Variants in DDC observed in about 807,000 individuals in gnomAD.
DDC encodes the protein aromatic-L-amino-acid decarboxylase.
DDC carries 43 observed loss-of-function variants against 60.0 expected under a neutral mutation model. That is an observed-to-expected ratio of 0.72 (90% CI 0.56 to 0.92). DDC has a LOEUF of 0.92. Among genes scored for constraint, DDC ranks in the 40% least tolerant of loss-of-function variants. The pLI is 0.00. For synonymous variants in DDC, 232 were observed against 234.6 expected, an observed-to-expected ratio of 0.99 and a Z score of 0.10; for missense variants, 573 against 620.2, an observed-to-expected ratio of 0.92 and a Z score of 0.81.
intron 14 of DDC, 52 bp from the exon 15 acceptor site, chr7:50,458,895 G>C (rs2042181468): frequency 6.7e-6 from 1 of 149,734 alleles, no homozygotes. Flanking sequence ...AAAAAATAAA[G>C]AAGTCCCTCT....
At chr7:50,561,750 T>C (rs112471249) in intron 1 of DDC, among the ~76,000 whole-genome samples, 7 of 150,100 alleles carry the variant, frequency 4.7e-5, no homozygotes, top group African/African-American at 1.7e-4. Flanking sequence ...CGCAGAGTCA[T>C]GTGAAGCTAG....
chr7:50,519,969 C>G (rs961266854), intron 6 of DDC, among the ~76,000 whole-genome samples: 4 of 151,794 alleles, frequency 2.6e-5, no homozygotes, highest in African/African-American at 9.7e-5. Flanking sequence ...AACAAACAAA[C>G]AAACAAAAAC....
chr7:50,479,883 G>A lies in DDC; in HGVS notation c.945-20C>T. On this transcript the variant is annotated intron_variant, in intron 9 of 14. Coordinates refer to ENST00000444124, the MANE Select transcript of DDC (RefSeq NM_001082971.2). ...TTCACCCTGGTTTTAGAGAACAAAT[G>A]AAAGGGCTGATAACCAAGTACCCTA... 6.2e-7 allele frequency: 1 copy of A among 1,606,780 alleles called. No homozygotes were observed. Among genetic ancestry groups the A allele is most frequent in the Non-Finnish European group, 8.5e-7 (1 of 1,173,888 alleles).
chr7:50,473,768 C>CA (rs2042583445), intron 11 of DDC, among the ~76,000 whole-genome samples: 1 of 152,212 alleles, frequency 6.6e-6, no homozygotes, highest in African/African-American at 2.4e-5. Flanking sequence ...CTGCCACAAG[C>CA]GGCAAGAGGA....
chr7:50,535,339 G>T (rs1216487023), intron 4 of DDC, among the ~76,000 whole-genome samples: 2 of 152,094 alleles, frequency 1.3e-5, no homozygotes, highest in Admixed American at 1.3e-4. Flanking sequence ...TAGAGACAGG[G>T]TTTCACCATG....
At chr7:50,508,504 T>G (rs2043461831) in intron 6 of DDC, among the ~76,000 whole-genome samples, 1 of 152,212 alleles carries the variant, frequency 6.6e-6, no homozygotes, top group Non-Finnish European at 1.5e-5. Flanking sequence ...TGGCCCGACC[T>G]TATCAAGCTG....
At chr7:50,500,281 CA>C (rs369195762) in intron 7 of DDC, among the ~76,000 whole-genome samples, 1 of 152,106 alleles carries the variant, frequency 6.6e-6, no homozygotes, top group African/African-American at 2.4e-5. Flanking sequence ...GTGAGACTCT[CA>C]GGGGCACTAA....
intron 9 of DDC, among the ~76,000 whole-genome samples, chr7:50,485,394 A>G (rs1427576700): frequency 2.6e-5 from 4 of 152,262 alleles, no homozygotes; most frequent in Non-Finnish European, 5.9e-5. Context: ...TGTCTATTTC[A>G]GTATTTAAAG....
At chr7:50,487,192 A>G (rs2042903500) in intron 9 of DDC, among the ~76,000 whole-genome samples, 1 of 152,190 alleles carries the variant, frequency 6.6e-6, no homozygotes, top group South Asian at 2.1e-4. Flanking sequence ...AAGAAAAGTA[A>G]GTTTTTATCA....
intron 11 of DDC, among the ~76,000 whole-genome samples, chr7:50,472,018 C>A (rs2042544176): frequency 6.6e-6 from 1 of 152,168 alleles, no homozygotes; most frequent in Non-Finnish European, 1.5e-5. Context: ...AGTGAAAATG[C>A]ACACAATCTA....
At chr7:50,496,722 G>A (rs2043135156) in intron 8 of DDC, among the ~76,000 whole-genome samples, 1 of 152,186 alleles carries the variant, frequency 6.6e-6, no homozygotes, top group African/African-American at 2.4e-5. Context: ...AAATAAAGGT[G>A]GCTGTTGCAG....
At position 50,528,190 on chromosome 7, in the gene DDC, C is replaced by G; in HGVS notation, c.661G>C (p.Ala221Pro). 6.2e-7 allele frequency: 1 copy of G among 1,613,970 alleles called. No homozygotes were observed. The highest frequency in any genetic ancestry group is 8.5e-7 in the Non-Finnish European group (1 of 1,180,044). Residue 221 changes from alanine (A) to proline (P), a missense_variant, in exon 6 of 15, where the codon GCC becomes CCC. By Grantham distance (27) the Ala-to-Pro change is conservative. Coordinates refer to ENST00000444124, the MANE Select transcript of DDC (RefSeq NM_001082971.2). ...SDGNFAMRAS[A>P]LQEALERDKA... is the part of the protein sequence containing the mutation. ...TCTCTCTCCAGGGCTTCCTGCAGGG[C>G]AGACGCACGCATGGCGAAGTTGCCA...
intron 9 of DDC, among the ~76,000 whole-genome samples, chr7:50,487,650 G>A (rs1462090050): frequency 6.6e-6 from 1 of 152,006 alleles, no homozygotes; most frequent in African/African-American, 2.4e-5. Flanking sequence ...TTTGTTATGT[G>A]TTGTGGCCAC....
chr7:50,520,019 G>GTGATATATA (rs1375949031), intron 6 of DDC, among the ~76,000 whole-genome samples: 3 of 152,218 alleles, frequency 2.0e-5, no homozygotes, highest in Admixed American at 6.5e-5. Context: ...ACTTTTCACA[G>GTGATATATA]TTACTATATT....
chr7:50,524,846 A>G (rs2153544822), intron 6 of DDC, among the ~76,000 whole-genome samples: 1 of 152,320 alleles, frequency 6.6e-6, no homozygotes, highest in South Asian at 2.1e-4. Flanking sequence ...GAGAAATGAA[A>G]GTATATGTCC....
intron 9 of DDC, among the ~76,000 whole-genome samples, chr7:50,487,405 T>G (rs894169580): frequency 8.5e-5 from 13 of 152,166 alleles, no homozygotes; most frequent in Admixed American, 1.3e-4. Flanking sequence ...TTGGTAAAGT[T>G]TATAAAACAC....
chr7:50,474,717 G>C (rs1428197460), intron 11 of DDC, among the ~76,000 whole-genome samples: 3 of 152,196 alleles, frequency 2.0e-5, no homozygotes, highest in Non-Finnish European at 2.9e-5. Flanking sequence ...AAAGGACTTT[G>C]GTTCCCAGAG....
At chr7:50,481,352 G>A (rs549339212) in intron 9 of DDC, among the ~76,000 whole-genome samples, 4 of 152,244 alleles carry the variant, frequency 2.6e-5, no homozygotes, top group African/African-American at 9.6e-5. Flanking sequence ...CATTTTATGG[G>A]GAGCCACTGG....
chr7:50,522,056 C>T (rs548120664), intron 6 of DDC, among the ~76,000 whole-genome samples: 1 of 152,054 alleles, frequency 6.6e-6, no homozygotes, highest in African/African-American at 2.4e-5. Context: ...AAAACTCTCC[C>T]AGAACTAAGT....
Sources: gnomAD v4.1 joint callset for allele counts (sites outside exome capture counted in the v4.1 genomes callset) on GRCh38, gnomAD v4.1.1 for gene constraint, MANE v1.5 for transcripts, NCBI Gene and HGNC (gene_info 2026-07-23, HGNC 2026-07-21) for gene names.